GPC6: variants seen among roughly 807,000 people sequenced by gnomAD.
GPC6 encodes the protein glypican 6.
GPC6 carries 14 observed loss-of-function variants against 55.2 expected under a neutral mutation model. The ratio of observed to expected loss-of-function variants is 0.25; its 90% CI spans 0.17 to 0.40. The LOEUF (loss-of-function observed/expected upper bound fraction) is 0.40. GPC6 is among the 10% of genes least tolerant of loss of function. The probability of loss-of-function intolerance (pLI) is 1.00; values close to 1 mark genes in which losing one functional copy is unlikely to be tolerated. For missense variants in GPC6, 641 were observed against 708.5 expected (o/e 0.90, Z 1.08); for synonymous variants, 278 against 259.6 (o/e 1.07, Z -0.68).
chr13:93,556,372 TAGTG>T (rs1875467222), intron 2 of GPC6, among the ~76,000 whole-genome samples: 1 of 38,856 alleles, frequency 2.6e-5, no homozygotes, highest in East Asian at 4.0e-4. Flanking sequence ...TGTGGGTAAA[TAGTG>T]TGTGTGTGTG....
At chr13:93,764,408 G>A (rs1430255458) in intron 2 of GPC6, among the ~76,000 whole-genome samples, 2 of 152,042 alleles carry the variant, frequency 1.3e-5, no homozygotes, top group African/African-American at 2.4e-5. Flanking sequence ...AATGGACCTT[G>A]ATAACTCCAA....
chr13:93,884,457 T>A (rs1046837886), intron 3 of GPC6, among the ~76,000 whole-genome samples: 1 of 152,110 alleles, frequency 6.6e-6, no homozygotes, highest in African/African-American at 2.4e-5. Context: ...TTTATCTTTA[T>A]AAACTCTCGT....
intron 1 of GPC6, among the ~76,000 whole-genome samples, chr13:93,428,496 A>G (rs957043424): frequency 5.3e-5 from 8 of 152,152 alleles, no homozygotes; most frequent in Admixed American, 6.6e-5. Flanking sequence ...ATCTGTTGAA[A>G]ATGTTCACTG....
At chr13:93,419,066 T>C (rs559572372) in intron 1 of GPC6, among the ~76,000 whole-genome samples, 20 of 150,446 alleles carry the variant, frequency 1.3e-4, no homozygotes, top group Non-Finnish European at 2.8e-4. Context: ...TTTCCTAAAA[T>C]ATGTATAGCT....
chr13:93,634,802 G>T (rs1039917523), intron 2 of GPC6, among the ~76,000 whole-genome samples: 1 of 152,164 alleles, frequency 6.6e-6, no homozygotes, highest in Non-Finnish European at 1.5e-5. Flanking sequence ...TCATTGTGCA[G>T]AACAGTGTTA....
intron 1 of GPC6, among the ~76,000 whole-genome samples, chr13:93,350,153 G>T (rs1880580334): frequency 6.6e-6 from 1 of 152,096 alleles, no homozygotes; most frequent in African/African-American, 2.4e-5. Flanking sequence ...ATAAATTCTT[G>T]GCCAGATGCA....
At chr13:94,349,991 T>C (rs1415663446) in intron 6 of GPC6, among the ~76,000 whole-genome samples, 1 of 149,776 alleles carries the variant, frequency 6.7e-6, no homozygotes, top group Non-Finnish European at 1.5e-5. Context: ...TGTACTTCTT[T>C]GATTCCTCAA....
chr13:93,338,552 T>TA lies in GPC6; in HGVS notation c.160+110937dup, dbSNP rs575550128. The stretch of plus-strand genomic sequence containing the variant: ...ATATAAAAGTCATTCATCTGTATCT[T>TA]AGAAGGATGATTCACATATTTATGT... On this transcript the variant is annotated intron_variant, in intron 1 of 8. Coordinates refer to ENST00000377047, the MANE Select transcript of GPC6 (RefSeq NM_005708.5). Among the ~76,000 whole-genome samples, 17 of 152,312 alleles carry TA rather than the reference T, an allele frequency of 1.1e-4. No individual in the cohort carries two copies. The East Asian group carries it at 1.2e-3, about 10-fold the overall frequency.
intron 3 of GPC6, among the ~76,000 whole-genome samples, chr13:93,877,705 A>G (rs546029636): frequency 1.3e-5 from 2 of 152,238 alleles, no homozygotes; most frequent in African/African-American, 4.8e-5. Context: ...TATTTCAAAG[A>G]TAAAGATGTA....
intron 3 of GPC6, among the ~76,000 whole-genome samples, chr13:93,871,194 T>C (rs1889122111): frequency 6.6e-6 from 1 of 151,950 alleles, no homozygotes; most frequent in Non-Finnish European, 1.5e-5. Flanking sequence ...ATTCTGACTT[T>C]GTCACTTACA....
In GPC6 at chr13:93,478,193, T is replaced by C. The variant is rs555328588; in HGVS notation, c.161-67070T>C. 9.8e-5 allele frequency among the ~76,000 whole-genome samples: 15 copies of C among 152,296 alleles called. 1 individual carries two copies. In the East Asian group the frequency reaches 2.9e-3, roughly 29 times the overall value. On this transcript the variant is annotated intron_variant, in intron 1 of 8. Coordinates refer to ENST00000377047, the MANE Select transcript of GPC6 (RefSeq NM_005708.5). Reference sequence around the variant, plus strand: ...TAGATGCCCAGGCTCGGTGTTTTAATCTATGAGTTATAACATAGTTCTAGT... The same window carrying C: ...TAGATGCCCAGGCTCGGTGTTTTAACCTATGAGTTATAACATAGTTCTAGT...
intron 1 of GPC6, among the ~76,000 whole-genome samples, chr13:93,467,731 T>G (rs1878964210): frequency 6.6e-6 from 1 of 151,934 alleles, no homozygotes; most frequent in Non-Finnish European, 1.5e-5. Context: ...ACCACCGGCA[T>G]GCACCACCAT....
At chr13:94,116,544 C>T (rs1475103475) in intron 4 of GPC6, among the ~76,000 whole-genome samples, 1 of 152,034 alleles carries the variant, frequency 6.6e-6, no homozygotes, top group Non-Finnish European at 1.5e-5. Flanking sequence ...TATGGCTGTC[C>T]AAAGCCCTTG....
intron 2 of GPC6, among the ~76,000 whole-genome samples, chr13:93,820,018 T>G (rs1333106557): frequency 1.3e-5 from 2 of 152,182 alleles, no homozygotes; most frequent in Non-Finnish European, 2.9e-5. Context: ...TCAGGAAACT[T>G]TCATTTTTGC....
At chr13:93,807,194 G>T (rs1566545474) in intron 2 of GPC6, among the ~76,000 whole-genome samples, 1 of 152,072 alleles carries the variant, frequency 6.6e-6, no homozygotes, top group Admixed American at 6.5e-5. Flanking sequence ...TTTCACTTCT[G>T]TCATTTCTTT....
intron 3 of GPC6, among the ~76,000 whole-genome samples, chr13:93,860,122 T>G (rs1888763033): frequency 6.6e-6 from 1 of 151,718 alleles, no homozygotes; most frequent in Admixed American, 6.6e-5. Flanking sequence ...GTACCAGCAT[T>G]GTCTTCTCAT....
At chr13:94,087,795 T>C (rs767060226) in intron 4 of GPC6, among the ~76,000 whole-genome samples, 26 of 152,236 alleles carry the variant, frequency 1.7e-4, no homozygotes, top group Non-Finnish European at 2.9e-4. Context: ...ATAGTCATCT[T>C]TGAGCTTAGC....
At chr13:93,500,135 C>G (rs1488170612) in intron 1 of GPC6, among the ~76,000 whole-genome samples, 1 of 152,110 alleles carries the variant, frequency 6.6e-6, no homozygotes, top group Admixed American at 6.6e-5. Context: ...CCACCACGAG[C>G]AGATAGGACA....
chr13:94,175,675 G>C (rs73547940), intron 4 of GPC6, among the ~76,000 whole-genome samples: 8,096 of 151,642 alleles, frequency 0.053, 490 homozygotes, highest in East Asian at 0.33. Context: ...TAGTATAGCT[G>C]GTCTTTTTAA....
Sources: gnomAD v4.1 joint callset for allele counts (sites outside exome capture counted in the v4.1 genomes callset) on GRCh38, gnomAD v4.1.1 for gene constraint, MANE v1.5 for transcripts, NCBI Gene and HGNC (gene_info 2026-07-23, HGNC 2026-07-21) for gene names.